ABHD2: variants seen among roughly 807,000 people sequenced by gnomAD.
ABHD2 encodes the protein monoacylglycerol lipase ABHD2.
Under a neutral mutation model 48.1 loss-of-function variants are expected in ABHD2, and 20 were observed. That is an observed-to-expected ratio of 0.42 (90% CI 0.29 to 0.60). The LOEUF is 0.60. Among genes scored for constraint, ABHD2 ranks in the 20% least tolerant of loss-of-function variants. ABHD2 has a pLI of 0.24. For synonymous variants in ABHD2, 209 were observed against 214.2 expected, an observed-to-expected ratio of 0.98 and a Z score of 0.21; for missense variants, 405 against 550.9, an observed-to-expected ratio of 0.74 and a Z score of 2.65.
rs1001831233 is a variant in ABHD2 at position 89,201,524 on chromosome 15, G to T, written c.*6101G>T. 2.8e-5 allele frequency: 45 copies of T among 1,594,396 alleles called. No homozygotes were observed. The highest frequency in any genetic ancestry group is 3.7e-5 in the Non-Finnish European group (43 of 1,162,248). ...GGAGCAAAAATTGTACCATAAACTT[G>T]TGTTTACTCTTTTCATTCGGATCAT... is the stretch of plus-strand genomic sequence containing the variant. On this transcript the variant is annotated 3_prime_UTR_variant, in exon 11 of 11. Coordinates refer to ENST00000352732, the MANE Select transcript of ABHD2 (RefSeq NM_152924.5).
At chr15:89,143,396 G>A (rs113483160) in intron 3 of ABHD2, among the ~76,000 whole-genome samples, 112 of 152,312 alleles carry the variant, frequency 7.4e-4, no homozygotes, top group African/African-American at 2.2e-3. Flanking sequence ...GGCCAAGTGC[G>A]GTGGCTCACG....
chr15:89,158,267 C>G (rs895546558), intron 5 of ABHD2, among the ~76,000 whole-genome samples: 4 of 152,192 alleles, frequency 2.6e-5, no homozygotes, highest in Non-Finnish European at 4.4e-5. Flanking sequence ...GGCAAGGGCA[C>G]AGAGCCAGTA....
At chr15:89,149,735 C>A (rs1016094178) in intron 3 of ABHD2, among the ~76,000 whole-genome samples, 3 of 152,220 alleles carry the variant, frequency 2.0e-5, no homozygotes, top group Non-Finnish European at 2.9e-5. Context: ...TAGTTCAACA[C>A]CACGTGTACC....
chr15:89,054,821 G>C, the ABHD2 span, among the ~76,000 whole-genome samples: 1 of 151,974 alleles, frequency 6.6e-6, no homozygotes, highest in African/African-American at 2.4e-5. Flanking sequence ...TATATGTACT[G>C]TTTGTAACAT....
intron 3 of ABHD2, among the ~76,000 whole-genome samples, chr15:89,127,718 T>TAC (rs56963755): frequency 7.7e-4 from 63 of 82,276 alleles, no homozygotes; most frequent in Non-Finnish European, 1.3e-3. Context: ...TATATATATA[T>TAC]ACACATATAT....
At chr15:89,136,539 C>A in intron 3 of ABHD2, 1 of 321,638 alleles carries the variant, frequency 3.1e-6, no homozygotes, top group Non-Finnish European at 6.2e-6. Flanking sequence ...TGCCCAGTGC[C>A]CATCTGGCTC....
At chr15:89,052,010 G>T in the ABHD2 span, among the ~76,000 whole-genome samples, 2 of 152,160 alleles carry the variant, frequency 1.3e-5, no homozygotes, top group Non-Finnish European at 2.9e-5. Flanking sequence ...CAGAGTGAAA[G>T]TTCACATGCA....
At chr15:89,067,121 A>C in the ABHD2 span, among the ~76,000 whole-genome samples, 2 of 151,562 alleles carry the variant, frequency 1.3e-5, no homozygotes, top group East Asian at 1.9e-4. Flanking sequence ...AGTGGAGTTA[A>C]AGGAATGAGA....
At chr15:89,045,080 T>C in the ABHD2 span, among the ~76,000 whole-genome samples, 1 of 152,222 alleles carries the variant, frequency 6.6e-6, no homozygotes, top group Non-Finnish European at 1.5e-5. Flanking sequence ...TTGATTTTTG[T>C]ATAAGGTGTA....
chr15:89,138,564 A>T (rs2050351792), intron 3 of ABHD2, among the ~76,000 whole-genome samples: 1 of 152,232 alleles, frequency 6.6e-6, no homozygotes. Context: ...TCTTCTGCAG[A>T]AAAAAACTCC....
rs2051007140 is a variant in ABHD2, at chr15:89,176,033, G to T, written c.722+38G>T. 6.4e-7 allele frequency: 1 copy of T among 1,552,892 alleles called. No homozygotes were observed. Among genetic ancestry groups the T allele is most frequent in the Non-Finnish European group, 8.7e-7 (1 of 1,148,990 alleles). ...CGCCTTCCATCAGGGCCTTCAGTTA[G>T]CCCTTATTTATAGAGATGCCCCGAC... is the stretch of plus-strand genomic sequence containing the variant. On this transcript the variant is annotated intron_variant, in intron 6 of 10. Coordinates refer to ENST00000352732, the MANE Select transcript of ABHD2 (RefSeq NM_152924.5). The surrounding 1 kb of genome is among the most constrained non-coding windows in gnomAD (Gnocchi z 4.5).
the ABHD2 span, among the ~76,000 whole-genome samples, chr15:89,049,842 C>G: frequency 1.6e-3 from 237 of 152,330 alleles, 1 homozygote; most frequent in East Asian, 7.7e-4. Context: ...GCAGAAATCA[C>G]CCATCTTTTG....
chr15:89,178,980 A>T (rs1017936699), intron 6 of ABHD2, among the ~76,000 whole-genome samples: 1 of 152,260 alleles, frequency 6.6e-6, no homozygotes, highest in African/African-American at 2.4e-5. Context: ...AAAGCATTTT[A>T]TTGCAGTTTG....
In ABHD2 at chr15:89,175,849, C is replaced by T. The variant is rs533800783; in HGVS notation, c.576C>T (p.Ile192=). The T allele has an allele frequency of 6.2e-7, 1 of 1,614,084 alleles. No homozygotes were observed. The highest frequency in any genetic ancestry group is 1.1e-5 in the South Asian group (1 of 91,074). Residue 192 remains isoleucine, a synonymous_variant, in exon 6 of 11, where the codon ATC becomes ATT. Coordinates refer to ENST00000352732, the MANE Select transcript of ABHD2 (RefSeq NM_152924.5). The surrounding 1 kb of genome is among the most constrained non-coding windows in gnomAD (Gnocchi z 5.7). The stretch of plus-strand genomic sequence containing the variant: ...AATTTGGAGCCATGGTGAACTACAT[C>T]AAGAAGACATATCCCCTGACCCAGC... ...TWEFGAMVNY[I]KKTYPLTQLV...
intron 3 of ABHD2, among the ~76,000 whole-genome samples, chr15:89,142,607 T>C (rs1190984180): frequency 6.6e-6 from 1 of 152,222 alleles, no homozygotes; most frequent in Non-Finnish European, 1.5e-5. Context: ...TGAGCCTTAC[T>C]CTTGCCTTGT....
rs758988833 is a variant in ABHD2 at position 89,177,282 on chromosome 15, C to T, written c.722+1287C>T. Among the ~76,000 whole-genome samples the T allele has an allele frequency of 4.6e-5, 7 of 152,208 alleles. No individual in the cohort carries two copies. Among genetic ancestry groups the T allele is most frequent in the African/African-American group, 1.2e-4 (5 of 41,452 alleles). ...TTAGAACAGTGCCCAGCACGCAGAA[C>T]GTAAGCCACTGTTCATTTTCATTAT... On this transcript the variant is annotated intron_variant, in intron 6 of 10. Coordinates refer to ENST00000352732, the MANE Select transcript of ABHD2 (RefSeq NM_152924.5). This position sits in a 1 kb window ranked among gnomAD's most constrained non-coding sequence, Gnocchi z 5.6.
chr15:89,201,832 T>C lies in ABHD2; in HGVS notation c.*6409T>C. The C allele has an allele frequency of 1.8e-6, 2 of 1,141,028 alleles. No individual in the cohort carries two copies. Among genetic ancestry groups the C allele is most frequent in the Non-Finnish European group, 2.5e-6 (2 of 784,830 alleles). The allele number at this position is 1,141,028 out of a possible 1,614,324, so 70.7% of individuals were successfully genotyped here. A position where few individuals can be genotyped will look rare whatever the true frequency, so the allele number is the denominator to read the frequency against. On this transcript the variant is annotated 3_prime_UTR_variant, in exon 11 of 11. Coordinates refer to ENST00000352732, the MANE Select transcript of ABHD2 (RefSeq NM_152924.5). ...GAGACAGCGCAGAGCAGGGGGCGGC[T>C]TGCTCGCTGGGGGCGGGGGACGATG...
At chr15:89,115,916 G>GA (rs944182375) in intron 2 of ABHD2, among the ~76,000 whole-genome samples, 10 of 151,596 alleles carry the variant, frequency 6.6e-5, no homozygotes, top group African/African-American at 1.9e-4. Flanking sequence ...CTACAGAGAG[G>GA]AAAAAAAACA....
At position 89,175,795 on chromosome 15, in the gene ABHD2, C is replaced by T. The variant is rs763075619; in HGVS notation, c.539-17C>T. ...TGCACCTGAAATGATTGAGCAATCT[C>T]ACCCTTTTGCCCACAGGCTGCACGT... is the stretch of plus-strand genomic sequence containing the variant. On this transcript the variant is annotated splice_polypyrimidine_tract_variant and intron_variant, in intron 5 of 10. Coordinates refer to ENST00000352732, the MANE Select transcript of ABHD2 (RefSeq NM_152924.5). This position sits in a 1 kb window ranked among gnomAD's most constrained non-coding sequence, Gnocchi z 5.7. The T allele has an allele frequency of 1.2e-6, 2 of 1,613,700 alleles. No individual in the cohort carries two copies. Among genetic ancestry groups the T allele is most frequent in the Non-Finnish European group, 1.7e-6 (2 of 1,179,870 alleles).
Sources: gnomAD v4.1 joint callset for allele counts (sites outside exome capture counted in the v4.1 genomes callset) on GRCh38, gnomAD v4.1.1 for gene constraint, Gnocchi (gnomAD v3.1) non-coding constraint, MANE v1.5 for transcripts, NCBI Gene and HGNC (gene_info 2026-07-23, HGNC 2026-07-21) for gene names.